The following FGF12 variants were observed in gnomAD, a reference collection of about 807,000 sequenced individuals.
The protein encoded by FGF12 is fibroblast growth factor 12B.
Under a neutral mutation model 23.6 loss-of-function variants are expected in FGF12, and 14 were observed. The observed-to-expected ratio is 0.59, with a 90% CI of 0.39 to 0.93. The LOEUF (loss-of-function observed/expected upper bound fraction) is 0.93. Ranked by LOEUF, FGF12 falls within the 40% of genes least tolerant of loss-of-function variation. FGF12 has a pLI of 0.00. For synonymous variants in FGF12, 62 were observed against 77.3 expected (o/e 0.80, Z 1.04); for missense variants, 175 against 217.8 (o/e 0.80, Z 1.24).
Position 192,319,315 on chromosome 3 carries a change from G to A in FGF12, c.228+16046C>T, listed in dbSNP as rs114375583. Among the ~76,000 whole-genome samples, 164 of 152,134 alleles carry A rather than the reference G, an allele frequency of 1.1e-3. 1 individual carries two copies. The highest frequency in any genetic ancestry group is 3.8e-3 in the African/African-American group (157 of 41,490). ...AACCTATCAAAAATAATAACTACTGGGCTGGGCGCAGTGGCTCACGTCTGT... is the reference window on the plus strand; with the variant it reads ...AACCTATCAAAAATAATAACTACTGAGCTGGGCGCAGTGGCTCACGTCTGT... On this transcript the variant is annotated intron_variant, in intron 4 of 5. Coordinates refer to ENST00000445105, the MANE Select transcript of FGF12 (RefSeq NM_004113.6).
intron 3 of FGF12, among the ~76,000 whole-genome samples, chr3:192,339,755 C>A (rs553961334): frequency 1.3e-5 from 2 of 152,188 alleles, no homozygotes; most frequent in Middle Eastern, 3.4e-3. Context: ...GTGTATATTT[C>A]GGTAATGATA....
chr3:192,278,318 T>A (rs1165579818), intron 4 of FGF12, among the ~76,000 whole-genome samples: 1 of 152,094 alleles, frequency 6.6e-6, no homozygotes, highest in African/African-American at 2.4e-5. Context: ...AAGGAAGACA[T>A]AGAAAGTTTA....
At chr3:192,450,520 TG>T (rs551609532) in intron 2 of FGF12, among the ~76,000 whole-genome samples, 127 of 152,300 alleles carry the variant, frequency 8.3e-4, no homozygotes, top group African/African-American at 3.0e-3. Flanking sequence ...TAACTTTTGA[TG>T]AAATAAACTA....
chr3:192,434,646 T>C (rs1222526486), intron 2 of FGF12, among the ~76,000 whole-genome samples: 3 of 152,198 alleles, frequency 2.0e-5, no homozygotes, highest in Non-Finnish European at 4.4e-5. Flanking sequence ...TTCTTGTTTG[T>C]TCTCCTTGAT....
intron 2 of FGF12, among the ~76,000 whole-genome samples, chr3:192,519,295 C>T (rs1724755712): frequency 6.6e-6 from 1 of 152,156 alleles, no homozygotes; most frequent in Admixed American, 6.5e-5. Context: ...TCTTTCAGTA[C>T]CTTGGCATTT....
intron 2 of FGF12, among the ~76,000 whole-genome samples, chr3:192,681,324 C>A (rs1480042220): frequency 1.3e-5 from 2 of 152,184 alleles, no homozygotes; most frequent in African/African-American, 4.8e-5. Context: ...ACTAAGTTTC[C>A]ACTCTGAGTG....
intron 3 of FGF12, among the ~76,000 whole-genome samples, chr3:192,342,954 C>G (rs1423317741): frequency 1.3e-5 from 2 of 149,952 alleles, no homozygotes; most frequent in Admixed American, 6.6e-5. Context: ...ATGTGACAAC[C>G]AAGAAAGTTT....
intron 2 of FGF12, among the ~76,000 whole-genome samples, chr3:192,540,510 T>C (rs1250521796): frequency 3.3e-5 from 5 of 152,148 alleles, no homozygotes; most frequent in Admixed American, 1.3e-4. Context: ...AGATACGTGA[T>C]ATAACTTCCA....
chr3:192,354,816 G>C (rs188892183), intron 3 of FGF12, among the ~76,000 whole-genome samples: 4 of 152,160 alleles, frequency 2.6e-5, no homozygotes, highest in East Asian at 1.9e-4. Flanking sequence ...AGCAATTCAC[G>C]TGCCTCAGGC....
intron 2 of FGF12, among the ~76,000 whole-genome samples, chr3:192,709,138 AT>A (rs1292820317): frequency 6.6e-6 from 1 of 152,220 alleles, no homozygotes; most frequent in African/African-American, 2.4e-5. Flanking sequence ...TCAAAAATAT[AT>A]TGCAAAATGA....
intron 4 of FGF12, among the ~76,000 whole-genome samples, chr3:192,180,697 A>G (rs1360104246): frequency 1.3e-5 from 2 of 152,330 alleles, no homozygotes; most frequent in African/African-American, 4.8e-5. Context: ...AACTTTTAAA[A>G]CTTCTGTATC....
intron 2 of FGF12, among the ~76,000 whole-genome samples, chr3:192,668,934 G>A (rs1026552221): frequency 6.6e-6 from 1 of 152,038 alleles, no homozygotes; most frequent in Non-Finnish European, 1.5e-5. Flanking sequence ...ACCATGATAA[G>A]AATTGAAAGA....
intron 2 of FGF12, among the ~76,000 whole-genome samples, chr3:192,654,498 T>G (rs1475961136): frequency 6.6e-6 from 1 of 152,232 alleles, no homozygotes; most frequent in Non-Finnish European, 1.5e-5. Context: ...ATATTTTATT[T>G]AAGCATAACA....
intron 2 of FGF12, among the ~76,000 whole-genome samples, chr3:192,554,491 A>G (rs1229009063): frequency 6.6e-6 from 1 of 152,236 alleles, no homozygotes; most frequent in Non-Finnish European, 1.5e-5. Context: ...TTATATGCAC[A>G]AGTCCAGAGA....
At chr3:192,475,005 C>T (rs1348221935) in intron 2 of FGF12, among the ~76,000 whole-genome samples, 1 of 152,056 alleles carries the variant, frequency 6.6e-6, no homozygotes, top group Non-Finnish European at 1.5e-5. Flanking sequence ...CTTGAAATCC[C>T]ATATCTACCT....
chr3:192,302,846 G>A (rs1357081703), intron 4 of FGF12, among the ~76,000 whole-genome samples: 1 of 152,174 alleles, frequency 6.6e-6, no homozygotes, highest in East Asian at 1.9e-4. Context: ...GAACATTCCA[G>A]GCAGACAGAC....
chr3:192,495,361 G>A (rs1195383725), intron 2 of FGF12, among the ~76,000 whole-genome samples: 1 of 152,108 alleles, frequency 6.6e-6, no homozygotes, highest in Non-Finnish European at 1.5e-5. Flanking sequence ...ATCACAAGTA[G>A]TAGAATATGA....
chr3:192,540,074 T>G (rs1008961452), intron 2 of FGF12, among the ~76,000 whole-genome samples: 2 of 152,008 alleles, frequency 1.3e-5, no homozygotes, highest in African/African-American at 4.8e-5. Flanking sequence ...TCAATTTTAT[T>G]TATCTTTTCT....
At chr3:192,674,934 T>A (rs112023298) in intron 2 of FGF12, among the ~76,000 whole-genome samples, 1 of 152,236 alleles carries the variant, frequency 6.6e-6, no homozygotes, top group African/African-American at 2.4e-5. Flanking sequence ...AAGAACATCA[T>A]ACCCTTTCCT....
Sources: allele counts gnomAD v4.1 joint callset (sites outside exome capture counted in the v4.1 genomes callset), GRCh38; gene constraint gnomAD v4.1.1; transcripts MANE v1.5; gene names NCBI Gene and HGNC (gene_info 2026-07-23, HGNC 2026-07-21).